DENND2B: variants seen among roughly 807,000 people sequenced by gnomAD.
The protein encoded by DENND2B is DENN domain containing 2B.
DENND2B carries 32 observed loss-of-function variants against 116.0 expected under a neutral mutation model. That is an observed-to-expected ratio of 0.28 (90% CI 0.21 to 0.37). The LOEUF is 0.37. Among genes scored for constraint, DENND2B ranks in the 10% least tolerant of loss-of-function variants. DENND2B has a pLI of 1.00. For missense variants in DENND2B, 1,276 were observed against 1,477.7 expected, an observed-to-expected ratio of 0.86 and a Z score of 2.24; for synonymous variants, 588 against 583.9, an observed-to-expected ratio of 1.01 and a Z score of -0.10.
intron 1 of DENND2B, among the ~76,000 whole-genome samples, chr11:8,781,683 C>A (rs2058391292): frequency 6.6e-6 from 1 of 151,284 alleles, no homozygotes; most frequent in African/African-American, 2.4e-5. Flanking sequence ...AAAAGATAAG[C>A]CACAGACAGG....
chr11:8,908,864 C>T (rs2064272346), intron 1 of DENND2B, among the ~76,000 whole-genome samples: 1 of 152,180 alleles, frequency 6.6e-6, no homozygotes, highest in Admixed American at 6.5e-5. Flanking sequence ...ACTCCTAGGG[C>T]AGTGCCTGGC....
chr11:8,909,445 G>GGAGA (rs1566097985), intron 1 of DENND2B, among the ~76,000 whole-genome samples: 1 of 36,032 alleles, frequency 2.8e-5, no homozygotes, highest in Non-Finnish European at 8.8e-5. Context: ...GAGGAAGAAG[G>GGAGA]AGAAGGAGAA....
chr11:8,835,424 G>T (rs1355625613), intron 4 of DENND2B, among the ~76,000 whole-genome samples: 1 of 152,182 alleles, frequency 6.6e-6, no homozygotes, highest in Non-Finnish European at 1.5e-5. Flanking sequence ...TGTCCTTTCA[G>T]AAGTATTCTT....
intron 1 of DENND2B, among the ~76,000 whole-genome samples, chr11:8,773,509 C>T (rs1167707379): frequency 1.3e-5 from 2 of 152,218 alleles, no homozygotes; most frequent in Non-Finnish European, 2.9e-5. Context: ...ATCCTCCCCA[C>T]ACCTACCTGC....
At chr11:8,700,000 T>C (rs948983638) in intron 14 of DENND2B, 4 of 456,116 alleles carry the variant, frequency 8.8e-6, no homozygotes, top group African/African-American at 4.0e-5. Context: ...TCCTGGAATG[T>C]GCTCAGAGGC....
At chr11:8,781,747 T>C (rs1477004402) in intron 1 of DENND2B, among the ~76,000 whole-genome samples, 1 of 151,586 alleles carries the variant, frequency 6.6e-6, no homozygotes, top group African/African-American at 2.4e-5. Flanking sequence ...TCAGAACATA[T>C]TAAGAACTTC....
intron 4 of DENND2B, among the ~76,000 whole-genome samples, chr11:8,832,824 G>A (rs940154596): frequency 3.3e-5 from 5 of 152,246 alleles, no homozygotes; most frequent in Admixed American, 2.0e-4. Flanking sequence ...CACAGGAGGC[G>A]AGGACACAGT....
chr11:8,766,213 C>A (rs1476781750), intron 1 of DENND2B, among the ~76,000 whole-genome samples: 2 of 152,158 alleles, frequency 1.3e-5, no homozygotes, highest in African/African-American at 4.8e-5. Context: ...GCAGGCCCAA[C>A]CCAGCCCCAG....
chr11:8,730,063 A>G lies in DENND2B; in HGVS notation c.1227T>C (p.Gly409=). 4 of 1,614,122 alleles carry G rather than the reference A, an allele frequency of 2.5e-6. No individual in the cohort carries two copies. Among genetic ancestry groups the G allele is most frequent in the East Asian group, 2.2e-5 (1 of 44,890 alleles). ...DKNPKSKPSN[G]LPPSPTPAAP... Reference sequence around the variant, plus strand: ...CAGCAGGTGTGGGTGAAGGAGGTAGACCATTACTGGGCTTACTCTTGGGGT... The same window carrying G: ...CAGCAGGTGTGGGTGAAGGAGGTAGGCCATTACTGGGCTTACTCTTGGGGT... Residue 409 remains glycine, a synonymous_variant, in exon 3 of 20, where the codon GGT becomes GGC. Transcript: ENST00000313726. This position sits in a 1 kb window ranked among gnomAD's most constrained non-coding sequence, Gnocchi z 4.1.
Position 8,730,013 on chromosome 11 carries a change from G to A in DENND2B, c.1277C>T (p.Pro426Leu). The A allele has an allele frequency of 6.2e-7, 1 of 1,614,208 alleles. No individual in the cohort carries two copies. The highest frequency in any genetic ancestry group is 8.5e-7 in the Non-Finnish European group (1 of 1,180,024). Reference protein sequence around the residue: ...PAAPPPLPSTPAPPVTRRPKK... With the variant: ...PAAPPPLPSTLAPPVTRRPKK... ...GGGTCTCCGGGTGACTGGCGGGGCTGGGGTGGAGGGCAAGGGAGGTGGAGC... is the reference window on the plus strand; with the variant it reads ...GGGTCTCCGGGTGACTGGCGGGGCTAGGGTGGAGGGCAAGGGAGGTGGAGC... Residue 426 changes from proline to leucine, a missense_variant, in exon 3 of 20, where the codon CCA (proline) becomes CTA (leucine). Pro to Leu is a moderately conservative substitution (Grantham distance 98). This residue lies in a region of DENND2B where 856 missense variants were observed against 846.6 expected (regional missense o/e 1.01). Coordinates refer to ENST00000313726, the MANE Select transcript of DENND2B (RefSeq NM_213618.2). This position sits in a 1 kb window ranked among gnomAD's most constrained non-coding sequence, Gnocchi z 4.1.
intron 1 of DENND2B, among the ~76,000 whole-genome samples, chr11:8,754,029 G>GCGCGCGCACA (rs146486674): frequency 0.014 from 1,920 of 138,810 alleles, 17 homozygotes; most frequent in Middle Eastern, 0.033. Context: ...CCAAAAGCGC[G>GCGCGCGCACA]CACACACACA....
intron 4 of DENND2B, among the ~76,000 whole-genome samples, chr11:8,720,826 G>C (rs192789308): frequency 2.6e-5 from 4 of 152,326 alleles, no homozygotes; most frequent in Admixed American, 2.6e-4. Context: ...AGTATCAAAG[G>C]AATGGCTCAG....
At chr11:8,715,425 A>T in intron 6 of DENND2B, 178 bp downstream of exon 6, 1 of 629,006 alleles carries the variant, frequency 1.6e-6, no homozygotes, top group Admixed American at 3.0e-5. Flanking sequence ...CTTTATTGAT[A>T]AGAAAGGGGA....
intron 1 of DENND2B, among the ~76,000 whole-genome samples, chr11:8,800,409 C>T (rs1245174956): frequency 2.0e-5 from 3 of 152,168 alleles, no homozygotes; most frequent in Non-Finnish European, 4.4e-5. Flanking sequence ...TATGCACCAT[C>T]GAGGCTAAGC....
rs1158955364 is a variant in DENND2B at position 8,696,524 on chromosome 11, G to T, written c.3195C>A (p.Ala1065=). 1.9e-6 allele frequency: 3 copies of T among 1,614,152 alleles called. No individual in the cohort carries two copies. The highest frequency in any genetic ancestry group is 3.3e-5 in the Admixed American group (2 of 60,020). Residue 1065 remains alanine, a synonymous_variant, in exon 18 of 20, where the codon GCC becomes GCA. Coordinates refer to ENST00000313726, the MANE Select transcript of DENND2B (RefSeq NM_213618.2). ...CAAGAAAGCGGCGGATGCTTTTGGA[G>T]GCCACAGATTTGCGGAAGGCCTCTC... ...FQREAFRKSV[A]SKSIRRFLEV...
intron 3 of DENND2B, among the ~76,000 whole-genome samples, chr11:8,853,293 G>A (rs147303186): frequency 0.017 from 2,578 of 152,272 alleles, 80 homozygotes; most frequent in African/African-American, 0.059. Context: ...AACTCGGGAG[G>A]TGGAGGTTGC....
Position 8,745,350 on chromosome 11 carries a change from C to T in DENND2B, c.80+5271G>A, listed in dbSNP as rs534344338. 2.6e-5 allele frequency among the ~76,000 whole-genome samples: 4 copies of T among 152,320 alleles called. No homozygotes were observed. The East Asian group carries it at 5.8e-4, about 22-fold the overall frequency. Reference sequence around the variant, plus strand: ...CATTAGAGGCATGAGCCACCGCACCCGGCCCTATCTGTACCTGATTTTGGT... The same window carrying T: ...CATTAGAGGCATGAGCCACCGCACCTGGCCCTATCTGTACCTGATTTTGGT... On this transcript the variant is annotated intron_variant, in intron 2 of 19. Transcript: ENST00000313726.
chr11:8,757,983 A>G (rs535991791), intron 1 of DENND2B, among the ~76,000 whole-genome samples: 1 of 152,324 alleles, frequency 6.6e-6, no homozygotes, highest in African/African-American at 2.4e-5. Flanking sequence ...ACAGAGCAGG[A>G]ATGTAGACCC....
chr11:8,723,343 A>G (rs4601782), intron 4 of DENND2B, among the ~76,000 whole-genome samples: 29 of 152,304 alleles, frequency 1.9e-4, no homozygotes, highest in African/African-American at 6.0e-4. Flanking sequence ...GGACGGCTTC[A>G]ACCATTTCTC....
Sources: gnomAD v4.1 joint callset for allele counts (sites outside exome capture counted in the v4.1 genomes callset) on GRCh38, gnomAD v4.1.1 for gene constraint, gnomAD v4.1.1 regional missense constraint, Gnocchi (gnomAD v3.1) non-coding constraint, MANE v1.5 for transcripts, NCBI Gene and HGNC (gene_info 2026-07-23, HGNC 2026-07-21) for gene names.